SEMA4D: variants seen among roughly 807,000 people sequenced by gnomAD.
The protein encoded by SEMA4D is semaphorin-4D.
A neutral mutation model predicts 74.8 loss-of-function variants in SEMA4D; 22 were observed. The ratio of observed to expected loss-of-function variants is 0.29; its 90% CI spans 0.21 to 0.42. The LOEUF (loss-of-function observed/expected upper bound fraction) is 0.42, where lower values mean the gene tolerates loss of function less well. Ranked by LOEUF, SEMA4D falls within the 10% of genes least tolerant of loss-of-function variation. The pLI, the probability that SEMA4D is intolerant of heterozygous loss-of-function variation, is 1.00. For synonymous variants in SEMA4D, 445 were observed against 463.7 expected (o/e 0.96, Z 0.52); for missense variants, 937 against 1,118.4 (o/e 0.84, Z 2.31).
chr9:89,429,551 G>A (rs1458991199), intron 2 of SEMA4D, among the ~76,000 whole-genome samples: 1 of 152,214 alleles, frequency 6.6e-6, no homozygotes, highest in South Asian at 2.1e-4. Flanking sequence ...GTGGGCCAAA[G>A]CAAGTTCCTG....
chr9:89,464,370 A>C (rs1004188989), intron 1 of SEMA4D, among the ~76,000 whole-genome samples: 7 of 152,020 alleles, frequency 4.6e-5, no homozygotes, highest in Admixed American at 1.3e-4. Flanking sequence ...GGGGCTGAGG[A>C]CCTCAGGGGC....
At chr9:89,463,252 T>C (rs1339513022) in intron 1 of SEMA4D, among the ~76,000 whole-genome samples, 1 of 152,160 alleles carries the variant, frequency 6.6e-6, no homozygotes, top group African/African-American at 2.4e-5. Context: ...TGCTACTATA[T>C]TCTTTTCAGA....
At chr9:89,368,832 C>T (rs779659336) in intron 16 of SEMA4D, 1 of 152,260 alleles carries the variant, frequency 6.6e-6, no homozygotes, top group Admixed American at 6.5e-5. Flanking sequence ...GAATCCTGAA[C>T]CTCTTCTCTG....
At chr9:89,473,317 G>C (rs1262236741) in intron 1 of SEMA4D, among the ~76,000 whole-genome samples, 1 of 152,186 alleles carries the variant, frequency 6.6e-6, no homozygotes, top group Non-Finnish European at 1.5e-5. Flanking sequence ...TCTGACGCCT[G>C]TAATCCCAGC....
chr9:89,421,800 CGTGT>C (rs150331246), intron 2 of SEMA4D, among the ~76,000 whole-genome samples: 42 of 149,962 alleles, frequency 2.8e-4, no homozygotes, highest in Non-Finnish European at 4.6e-4. Flanking sequence ...CGTGTGTGTG[CGTGT>C]GTGTGTGTGT....
intron 2 of SEMA4D, among the ~76,000 whole-genome samples, chr9:89,428,027 G>A (rs1299880709): frequency 6.6e-6 from 1 of 152,182 alleles, no homozygotes; most frequent in African/African-American, 2.4e-5. Context: ...GGCCCTGAGG[G>A]GTGGACTCTG....
rs1237535912 is a variant in SEMA4D at position 89,381,362 on chromosome 9, AGAG to A, written c.1447-19_1447-17del. 1.0e-5 allele frequency: 15 copies of A among 1,457,204 alleles called. No homozygotes were observed. Among genetic ancestry groups the A allele is most frequent in the Non-Finnish European group, 1.3e-5 (14 of 1,100,880 alleles). The allele number at this position is 1,457,204 out of a possible 1,614,324, so 90.3% of individuals were successfully genotyped here. On this transcript the variant is annotated splice_polypyrimidine_tract_variant and intron_variant, in intron 13 of 15. Transcript: ENST00000422704. The surrounding 1 kb of genome is among the most constrained non-coding windows in gnomAD (Gnocchi z 4.6). ...ACCTGTTGCCCTGCGTGTATGAGAC[AGAG>A]AAGAACTAGCATCAGGCAAGCAGGC...
At position 89,449,017 on chromosome 9, in the gene SEMA4D, G is replaced by A. The variant is rs548663015; in HGVS notation, c.-244+6871C>T. On this transcript the variant is annotated intron_variant, in intron 2 of 15. Transcript: ENST00000422704. ...CATTGATGCATTCAGGGTACAGCTG[G>A]GACATGGAAAATCAGTGGCAAATAC... Among the ~76,000 whole-genome samples the A allele has an allele frequency of 2.0e-5, 3 of 152,234 alleles. No individual in the cohort carries two copies. The East Asian group carries it at 5.8e-4, about 29-fold the overall frequency.
intron 1 of SEMA4D, chr9:89,472,470 A>ACC (rs58068280): frequency 9.5e-5 from 24 of 251,826 alleles, no homozygotes; most frequent in Non-Finnish European, 8.1e-5. Context: ...ACTGAGAAGC[A>ACC]CCCCCCTTTT....
intron 1 of SEMA4D, among the ~76,000 whole-genome samples, chr9:89,496,315 C>T (rs924063841): frequency 4.6e-5 from 7 of 152,228 alleles, no homozygotes; most frequent in African/African-American, 1.7e-4. Flanking sequence ...GCAGCTGGGG[C>T]TCTGCATCCC....
In SEMA4D at chr9:89,389,490, G is replaced by A. The variant is rs375824913; in HGVS notation, c.775-443C>T. Among the ~76,000 whole-genome samples, 1,381 of 152,350 alleles carry A rather than the reference G, an allele frequency of 9.1e-3. 27 individuals carry two copies. The highest frequency in any genetic ancestry group is 0.031 in the African/African-American group (1,289 of 41,576). The stretch of plus-strand genomic sequence containing the variant: ...AGCCTCCTTCCAGGGGACAGCCACC[G>A]GCCCTGCAGCCTGTCTTGGGCAAAT... On this transcript the variant is annotated intron_variant, in intron 9 of 15. Transcript: ENST00000422704.
At chr9:89,374,003 G>A (rs376319361), downstream of SEMA4D, among the ~76,000 whole-genome samples, 8 of 152,116 alleles carry the variant, frequency 5.3e-5, no homozygotes, top group South Asian at 2.1e-4. Flanking sequence ...CCCTGGCCTC[G>A]GCCCACCCTT....
intron 15 of SEMA4D, 46 bp from the exon 16 acceptor site, chr9:89,379,675 G>A: frequency 1.3e-6 from 2 of 1,552,922 alleles, no homozygotes; most frequent in Non-Finnish European, 1.7e-6. Context: ...ATCCCCATTT[G>A]CTATTTAACA....
chr9:89,493,566 C>T (rs1825789310), intron 1 of SEMA4D, among the ~76,000 whole-genome samples: 1 of 152,220 alleles, frequency 6.6e-6, no homozygotes, highest in African/African-American at 2.4e-5. Context: ...AAAGTCAAAA[C>T]ACACACACAA....
At chr9:89,382,884 G>A (rs1258497234) in intron 13 of SEMA4D, among the ~76,000 whole-genome samples, 2 of 152,186 alleles carry the variant, frequency 1.3e-5, no homozygotes, top group African/African-American at 4.8e-5. Flanking sequence ...GAGGGTAGCT[G>A]TGGAGGGTGG....
chr9:89,424,029 C>G (rs959115342), intron 2 of SEMA4D, among the ~76,000 whole-genome samples: 5 of 150,410 alleles, frequency 3.3e-5, no homozygotes, highest in African/African-American at 1.2e-4. Context: ...CTCAGTACCT[C>G]TCCTCCCTCA....
intron 1 of SEMA4D, among the ~76,000 whole-genome samples, chr9:89,489,787 T>C (rs1209783382): frequency 2.0e-5 from 3 of 152,248 alleles, no homozygotes; most frequent in African/African-American, 4.8e-5. Flanking sequence ...CTTTGGCTAC[T>C]GGAATAGTGC....
At chr9:89,376,977 GCCT>G (rs775788335), downstream of SEMA4D, 27 of 1,550,284 alleles carry the variant, frequency 1.7e-5, no homozygotes, top group South Asian at 3.2e-4. Context: ...GGAGAGGAAA[GCCT>G]CCTGTCCCCC....
downstream of SEMA4D, among the ~76,000 whole-genome samples, chr9:89,375,765 C>A (rs1835705462): frequency 6.6e-6 from 1 of 152,236 alleles, no homozygotes; most frequent in Non-Finnish European, 1.5e-5. Context: ...CATCTACTAT[C>A]TTTCAAGAGC....
Sources: allele counts gnomAD v4.1 joint callset (sites outside exome capture counted in the v4.1 genomes callset), GRCh38; gene constraint gnomAD v4.1.1; non-coding constraint Gnocchi (gnomAD v3.1); transcripts MANE v1.5; gene names NCBI Gene and HGNC (gene_info 2026-07-23, HGNC 2026-07-21).